The following FAT3 variants were observed in gnomAD, a reference collection of about 807,000 sequenced individuals.
The protein encoded by FAT3 is protocadherin Fat 3.
Under a neutral mutation model 310.2 loss-of-function variants are expected in FAT3, and 95 were observed. The observed-to-expected ratio is 0.31, with a 90% CI of 0.26 to 0.36. The LOEUF is 0.36. Among genes scored for constraint, FAT3 ranks in the 10% least tolerant of loss-of-function variants. FAT3 has a pLI of 1.00. For missense variants in FAT3, 5,408 were observed against 5,715.6 expected (o/e 0.95, Z 1.74); for synonymous variants, 2,314 against 2,192.9 (o/e 1.06, Z -1.54).
intron 1 of FAT3, among the ~76,000 whole-genome samples, chr11:92,317,005 A>G (rs1028045560): frequency 1.3e-5 from 2 of 152,134 alleles, no homozygotes; most frequent in African/African-American, 4.8e-5. Flanking sequence ...GGACTTCAGG[A>G]CTGATGATTC....
intron 3 of FAT3, among the ~76,000 whole-genome samples, chr11:92,654,855 C>T (rs1942523011): frequency 6.6e-6 from 1 of 152,166 alleles, no homozygotes; most frequent in Non-Finnish European, 1.5e-5. Context: ...ACAACAACTT[C>T]CTCCTGAAAA....
At chr11:92,257,424 T>C (rs1315292003) in intron 1 of FAT3, among the ~76,000 whole-genome samples, 2 of 152,136 alleles carry the variant, frequency 1.3e-5, no homozygotes, top group Non-Finnish European at 2.9e-5. Context: ...GGAAAATTGC[T>C]GGAGAGTGAA....
intron 1 of FAT3, among the ~76,000 whole-genome samples, chr11:92,279,849 C>A (rs372032986): frequency 6.6e-6 from 1 of 152,046 alleles, no homozygotes; most frequent in Non-Finnish European, 1.5e-5. Flanking sequence ...TTTTTAAAAT[C>A]CCCACTAAAA....
At chr11:92,640,538 T>C (rs191019099) in intron 3 of FAT3, among the ~76,000 whole-genome samples, 2 of 152,178 alleles carry the variant, frequency 1.3e-5, no homozygotes, top group Non-Finnish European at 2.9e-5. Context: ...GAGAAAGTTT[T>C]AGTGTAAATG....
chr11:92,644,772 CAG>C (rs2135738430), intron 3 of FAT3, among the ~76,000 whole-genome samples: 1 of 152,330 alleles, frequency 6.6e-6, no homozygotes, highest in South Asian at 2.1e-4. Flanking sequence ...ACTTTGGGGG[CAG>C]AGTCAGAAGT....
chr11:92,847,575 T>G (rs1025234685), intron 19 of FAT3, among the ~76,000 whole-genome samples: 1 of 152,196 alleles, frequency 6.6e-6, no homozygotes, highest in Admixed American at 6.5e-5. Flanking sequence ...CAGACTCCTG[T>G]GTGCATGGGG....
At chr11:92,838,097 A>G (rs561854936) in intron 17 of FAT3, among the ~76,000 whole-genome samples, 1 of 152,318 alleles carries the variant, frequency 6.6e-6, no homozygotes, top group South Asian at 2.1e-4. Context: ...TATAATGGAA[A>G]GAGCTAAGGA....
At chr11:92,465,767 A>G (rs1309304889) in intron 2 of FAT3, among the ~76,000 whole-genome samples, 1 of 152,118 alleles carries the variant, frequency 6.6e-6, no homozygotes, top group African/African-American at 2.4e-5. Context: ...GATGTAAATG[A>G]TGAGTTAATG....
rs146557040 is a variant in FAT3 at position 92,447,908 on chromosome 11, C to T, written c.3293-76726C>T. Among the ~76,000 whole-genome samples the T allele has an allele frequency of 4.1e-3, 621 of 151,940 alleles. 8 individuals carry two copies. The highest frequency in any genetic ancestry group is 0.014 in the African/African-American group (587 of 41,258). ...GATGCTGAATAAAAACTTGCAAACA[C>T]AGTGACAAGAAGGCAGGATCCAGAA... On this transcript the variant is annotated intron_variant, in intron 2 of 27. Transcript: ENST00000525166.
At chr11:92,692,727 T>C (rs1335415074) in intron 3 of FAT3, among the ~76,000 whole-genome samples, 3 of 152,274 alleles carry the variant, frequency 2.0e-5, no homozygotes, top group South Asian at 2.1e-4. Context: ...GTGAGAAGCA[T>C]AGGGGATGGG....
intron 13 of FAT3, among the ~76,000 whole-genome samples, chr11:92,819,071 G>A (rs1173615556): frequency 4.6e-5 from 7 of 152,150 alleles, no homozygotes; most frequent in South Asian, 2.1e-4. Context: ...GCAAGTTAGC[G>A]TACTTTTTCA....
intron 1 of FAT3, among the ~76,000 whole-genome samples, chr11:92,294,332 C>T (rs773191119): frequency 1.3e-5 from 2 of 152,056 alleles, no homozygotes; most frequent in Non-Finnish European, 2.9e-5. Flanking sequence ...AATATAGCCA[C>T]GCTGAGGATT....
At chr11:92,461,676 T>G (rs183432782) in intron 2 of FAT3, among the ~76,000 whole-genome samples, 1 of 152,190 alleles carries the variant, frequency 6.6e-6, no homozygotes, top group Non-Finnish European at 1.5e-5. Flanking sequence ...GATTGGCTGG[T>G]GTCAGCAAGT....
chr11:92,867,359 AG>A, intron 22 of FAT3, 150 bp downstream of exon 22: 1 of 885,844 alleles, frequency 1.1e-6, no homozygotes, highest in Non-Finnish European at 1.7e-6. Flanking sequence ...AATCTGCTTT[AG>A]GGAAGTCTCA....
chr11:92,302,440 C>T (rs115907283), intron 1 of FAT3, among the ~76,000 whole-genome samples: 1,962 of 151,864 alleles, frequency 0.013, 47 homozygotes, highest in African/African-American at 0.045. Flanking sequence ...TTAAGCTTGC[C>T]ATTCAAAAGG....
intron 22 of FAT3, among the ~76,000 whole-genome samples, chr11:92,869,913 G>C (rs948000658): frequency 2.6e-5 from 4 of 152,276 alleles, no homozygotes; most frequent in Admixed American, 2.6e-4. Context: ...TGCGTGAAGT[G>C]TTCAAAGGGG....
At chr11:92,378,152 T>C (rs959136593) in intron 2 of FAT3, among the ~76,000 whole-genome samples, 1 of 152,208 alleles carries the variant, frequency 6.6e-6, no homozygotes, top group African/African-American at 2.4e-5. Context: ...GGATTTTAGC[T>C]TACATTTATG....
intron 22 of FAT3, among the ~76,000 whole-genome samples, chr11:92,875,412 G>C (rs1298768099): frequency 6.6e-6 from 1 of 150,606 alleles, no homozygotes; most frequent in African/African-American, 2.4e-5. Flanking sequence ...AGACTTCCTG[G>C]GTTCAAATCC....
chr11:92,714,477 T>G (rs1048874427), intron 4 of FAT3, among the ~76,000 whole-genome samples: 2 of 151,844 alleles, frequency 1.3e-5, no homozygotes, highest in African/African-American at 4.8e-5. Context: ...CTGGAAGCCA[T>G]CCACATCATA....
Sources: allele counts gnomAD v4.1 joint callset (sites outside exome capture counted in the v4.1 genomes callset), GRCh38; gene constraint gnomAD v4.1.1; transcripts MANE v1.5; gene names NCBI Gene and HGNC (gene_info 2026-07-23, HGNC 2026-07-21).